RUNX2: variants seen among roughly 807,000 people sequenced by gnomAD.
The protein encoded by RUNX2 is RUNX family transcription factor 2.
RUNX2 carries 10 observed loss-of-function variants against 51.7 expected under a neutral mutation model. The ratio of observed to expected loss-of-function variants is 0.19; its 90% CI spans 0.12 to 0.33. The LOEUF (loss-of-function observed/expected upper bound fraction) is 0.33, where lower values mean the gene tolerates loss of function less well. Ranked by LOEUF, RUNX2 falls within the 10% of genes least tolerant of loss-of-function variation. The pLI, the probability that RUNX2 is intolerant of heterozygous loss-of-function variation, is 1.00. For missense variants in RUNX2, 562 were observed against 691.3 expected, an observed-to-expected ratio of 0.81 and a Z score of 2.10; for synonymous variants, 276 against 273.6, an observed-to-expected ratio of 1.01 and a Z score of -0.09.
chr6:45,506,305 G>T (rs1039404881), intron 6 of RUNX2, among the ~76,000 whole-genome samples: 1 of 152,158 alleles, frequency 6.6e-6, no homozygotes, highest in Non-Finnish European at 1.5e-5. Context: ...AGATAGGAAA[G>T]ACCTGATTTT....
rs75616297 is a variant in RUNX2 at position 45,441,374 on chromosome 6, T to C, written c.685+3323T>C. ...TGGATCGAAATCCCAACTCCATCAT[T>C]TATTAACTGTATGGAGGCAGGCAAG... On this transcript the variant is annotated intron_variant, in intron 5 of 8. Transcript: ENST00000647337. 8.9e-3 allele frequency among the ~76,000 whole-genome samples: 1,356 copies of C among 152,302 alleles called. 17 individuals are homozygous for C. The highest frequency in any genetic ancestry group is 0.031 in the African/African-American group (1,280 of 41,572).
At chr6:45,520,601 CTGT>C (rs1025517586) in intron 7 of RUNX2, among the ~76,000 whole-genome samples, 8 of 152,184 alleles carry the variant, frequency 5.3e-5, no homozygotes, top group African/African-American at 1.9e-4. Flanking sequence ...GGGCAGGGCC[CTGT>C]TGTTCCCTCT....
chr6:45,454,335 G>T (rs989770351), intron 5 of RUNX2, among the ~76,000 whole-genome samples: 1 of 152,132 alleles, frequency 6.6e-6, no homozygotes, highest in African/African-American at 2.4e-5. Flanking sequence ...ATAAAAATTT[G>T]CAACTGAATT....
At chr6:45,495,311 G>A (rs1383803774) in intron 6 of RUNX2, among the ~76,000 whole-genome samples, 1 of 152,230 alleles carries the variant, frequency 6.6e-6, no homozygotes, top group Non-Finnish European at 1.5e-5. Flanking sequence ...TGCAATAAGG[G>A]TTGAGAGGAT....
In RUNX2 at chr6:45,439,917, A is replaced by AAAGGCAGAGAATTGCCTTG. The variant is rs1181297080; in HGVS notation, c.685+1866_685+1867insAAGGCAGAGAATTGCCTTG. 4.9e-3 allele frequency among the ~76,000 whole-genome samples: 741 copies of AAAGGCAGAGAATTGCCTTG among 152,062 alleles called. 5 individuals are homozygous for AAAGGCAGAGAATTGCCTTG. The highest frequency in any genetic ancestry group is 0.014 in the Middle Eastern group (4 of 294). Reference sequence around the variant, plus strand: ...TCCAAATTAGTCAATAGACTAATTTATAAAGGCAGAGAATTGCCTTGTAAA... The same window carrying AAAGGCAGAGAATTGCCTTG: ...TCCAAATTAGTCAATAGACTAATTTAAAGGCAGAGAATTGCCTTGTAAAGGCAGAGAATTGCCTTGTAAA... On this transcript the variant is annotated intron_variant, in intron 5 of 8. Coordinates refer to ENST00000647337, the MANE Select transcript of RUNX2 (RefSeq NM_001024630.4).
chr6:45,497,930 A>G (rs531177009), intron 6 of RUNX2, among the ~76,000 whole-genome samples: 2 of 152,302 alleles, frequency 1.3e-5, no homozygotes, highest in East Asian at 3.9e-4. Context: ...ACTATTAGTT[A>G]CCATTTATTA....
At chr6:45,526,546 G>A (rs1299701107) in intron 7 of RUNX2, among the ~76,000 whole-genome samples, 3 of 152,140 alleles carry the variant, frequency 2.0e-5, no homozygotes, top group African/African-American at 4.8e-5. Context: ...GAATCATAAC[G>A]AGATTTCTCT....
At chr6:45,379,886 G>A (rs1463977961) in intron 2 of RUNX2, among the ~76,000 whole-genome samples, 1 of 151,586 alleles carries the variant, frequency 6.6e-6, no homozygotes, top group African/African-American at 2.4e-5. Flanking sequence ...AAAAAATCAC[G>A]CACAACAAAA....
chr6:45,352,751 T>C, intron 2 of RUNX2, among the ~76,000 whole-genome samples: 2 of 148,134 alleles, frequency 1.4e-5, no homozygotes, highest in Admixed American at 1.4e-4. Context: ...ATCACTTAGA[T>C]CATGTATTTA....
chr6:45,351,236 G>A (rs889835933), intron 2 of RUNX2, among the ~76,000 whole-genome samples: 1 of 151,998 alleles, frequency 6.6e-6, no homozygotes, highest in Non-Finnish European at 1.5e-5. Flanking sequence ...AACACTTCAA[G>A]TATACAACTC....
Position 45,395,220 on chromosome 6 carries a change from CT to C in RUNX2, c.59-27366del, listed in dbSNP as rs1479030955. 2.0e-5 allele frequency among the ~76,000 whole-genome samples: 3 copies of C among 152,116 alleles called. No individual in the cohort carries two copies. In the South Asian group the frequency reaches 6.2e-4, roughly 31 times the overall value. On this transcript the variant is annotated intron_variant, in intron 2 of 8. Coordinates refer to ENST00000647337, the MANE Select transcript of RUNX2 (RefSeq NM_001024630.4). ...AATGGTTGGTTTTCAGTTTGTTCAG[CT>C]TTTTTTCTTGTGAGAGTGGAACTGA...
intron 7 of RUNX2, among the ~76,000 whole-genome samples, chr6:45,534,259 A>G (rs1801960915): frequency 6.6e-6 from 1 of 151,966 alleles, no homozygotes; most frequent in East Asian, 1.9e-4. Flanking sequence ...CTATTGGGGG[A>G]AAAAAGGACA....
intron 7 of RUNX2, chr6:45,513,673 G>C (rs963869684): frequency 2.6e-5 from 4 of 152,178 alleles, no homozygotes; most frequent in Non-Finnish European, 5.9e-5. Flanking sequence ...GAAAGAAGAG[G>C]GGTGGAGGGA....
rs1581744663 is a variant in RUNX2 at position 45,344,301 on chromosome 6, T to C, written c.58+15517T>C. On this transcript the variant is annotated intron_variant, in intron 2 of 8. Transcript: ENST00000647337. ...TTATACAGTTGGGAACCACTTCATT[T>C]ATACTTGGCCTAAACTTCCCCTTGT... Among the ~76,000 whole-genome samples the C allele has an allele frequency of 2.6e-5, 4 of 152,218 alleles. No individual in the cohort carries two copies. In the South Asian group the frequency reaches 8.3e-4, roughly 31 times the overall value.
chr6:45,340,417 G>A (rs1005713196), intron 2 of RUNX2, among the ~76,000 whole-genome samples: 2 of 152,050 alleles, frequency 1.3e-5, no homozygotes, highest in Non-Finnish European at 2.9e-5. Context: ...TTGACCTCCT[G>A]AGCTCAAGGG....
intron 2 of RUNX2, among the ~76,000 whole-genome samples, chr6:45,364,246 C>T (rs1794758628): frequency 6.6e-6 from 1 of 152,100 alleles, no homozygotes; most frequent in Non-Finnish European, 1.5e-5. Context: ...AGTTTGAGAG[C>T]TCCTGAACTA....
At chr6:45,518,665 T>A (rs1265811156) in intron 7 of RUNX2, among the ~76,000 whole-genome samples, 1 of 152,196 alleles carries the variant, frequency 6.6e-6, no homozygotes, top group Non-Finnish European at 1.5e-5. Context: ...TTTTCTCAGT[T>A]GTTTTTGTGG....
At chr6:45,425,893 TAC>T (rs71792619) in intron 3 of RUNX2, among the ~76,000 whole-genome samples, 5,639 of 150,888 alleles carry the variant, frequency 0.037, 199 homozygotes, top group East Asian at 0.16. Flanking sequence ...AACACACACA[TAC>T]ACACACACAC....
At chr6:45,412,907 G>C (rs539443595) in intron 2 of RUNX2, among the ~76,000 whole-genome samples, 1 of 152,140 alleles carries the variant, frequency 6.6e-6, no homozygotes, top group South Asian at 2.1e-4. Context: ...CACCACACTC[G>C]GCTGATTTTT....
Sources: gnomAD v4.1 joint callset for allele counts (sites outside exome capture counted in the v4.1 genomes callset) on GRCh38, gnomAD v4.1.1 for gene constraint, MANE v1.5 for transcripts, NCBI Gene and HGNC (gene_info 2026-07-23, HGNC 2026-07-21) for gene names.